Variants in DNAAF9 observed in about 807,000 individuals in gnomAD.
The protein encoded by DNAAF9 is shulin.
Under a neutral mutation model 167.0 loss-of-function variants are expected in DNAAF9, and 90 were observed. The observed-to-expected ratio is 0.54, with a 90% CI of 0.45 to 0.64. The LOEUF is 0.64. DNAAF9 is among the 30% of genes least tolerant of loss of function. DNAAF9 has a pLI of 0.00. For missense variants in DNAAF9, 1,315 were observed against 1,442.2 expected, an observed-to-expected ratio of 0.91 and a Z score of 1.43; for synonymous variants, 491 against 508.8, an observed-to-expected ratio of 0.96 and a Z score of 0.47.
intron 27 of DNAAF9, among the ~76,000 whole-genome samples, chr20:3,285,788 G>A (rs1421393605): frequency 6.6e-6 from 1 of 151,444 alleles, no homozygotes; most frequent in Non-Finnish European, 1.5e-5. Context: ...AGACCAGTCT[G>A]GCCAACATAG....
intron 6 of DNAAF9, 25 bp from the exon 7 acceptor site, chr20:3,359,618 A>T (rs760524863): frequency 2.6e-6 from 4 of 1,522,860 alleles, no homozygotes; most frequent in Non-Finnish European, 3.6e-6. Context: ...AAAAACATTG[A>T]AATAATTAAG....
intron 30 of DNAAF9, among the ~76,000 whole-genome samples, chr20:3,266,699 G>A (rs960356505): frequency 1.3e-5 from 2 of 151,818 alleles, no homozygotes; most frequent in Admixed American, 6.6e-5. Flanking sequence ...GGATGGTCTC[G>A]ATCTCCTGAC....
chr20:3,319,203 C>T (rs1291819864), intron 16 of DNAAF9, among the ~76,000 whole-genome samples: 1 of 131,798 alleles, frequency 7.6e-6, no homozygotes, highest in Non-Finnish European at 1.5e-5. Flanking sequence ...GTTGAGGCTG[C>T]AGTGATCTAT....
At chr20:3,369,419 C>T (rs1014374498) in intron 6 of DNAAF9, among the ~76,000 whole-genome samples, 1 of 151,764 alleles carries the variant, frequency 6.6e-6, no homozygotes, top group Non-Finnish European at 1.5e-5. Flanking sequence ...CTCTTTCGCC[C>T]AGGCTGGAGT....
chr20:3,252,577 G>T lies in DNAAF9; in HGVS notation c.3529C>A (p.Pro1177Thr), dbSNP rs369591889. 13 of 1,558,868 alleles carry T rather than the reference G, an allele frequency of 8.3e-6. No individual in the cohort carries two copies. The African/African-American group carries it at 1.6e-4, about 19-fold the overall frequency. Residue 1177 changes from proline to threonine, a missense_variant, in exon 37 of 37, where the codon CCC becomes ACC. Pro to Thr is a conservative substitution (Grantham distance 38, BLOSUM62 -1). Coordinates refer to ENST00000252032, the MANE Select transcript of DNAAF9 (RefSeq NM_001009984.3). ...QEYHDLFELKP is the reference protein window; with the variant it reads ...QEYHDLFELKT ...CGTACGGGCCCAGCCTTCCTCTAGG[G>T]CTTCAGCTCAAAGAGGTCATGATAC...
intron 30 of DNAAF9, among the ~76,000 whole-genome samples, chr20:3,265,940 A>G (rs1421663008): frequency 1.3e-5 from 2 of 152,072 alleles, no homozygotes; most frequent in Non-Finnish European, 2.9e-5. Context: ...TCAGCCTCCT[A>G]AAGCGTTGGG....
chr20:3,392,546 C>T (rs1237879042), intron 1 of DNAAF9, among the ~76,000 whole-genome samples: 1 of 152,210 alleles, frequency 6.6e-6, no homozygotes, highest in Admixed American at 6.5e-5. Context: ...TTCTGCTGAA[C>T]CCCACTGTTT....
intron 5 of DNAAF9, 105 bp from the exon 6 acceptor site, chr20:3,374,259 C>A: frequency 1.6e-6 from 1 of 606,096 alleles, no homozygotes; most frequent in East Asian, 2.8e-5. Context: ...ACGTGGTCAC[C>A]AGGGCCTCAC....
intron 1 of DNAAF9, among the ~76,000 whole-genome samples, chr20:3,398,439 T>C (rs558668976): frequency 1.3e-5 from 2 of 152,188 alleles, no homozygotes; most frequent in East Asian, 3.9e-4. Context: ...GCATTCTTAA[T>C]ATAAAATCAA....
In DNAAF9 at chr20:3,260,006, CA is replaced by C; in HGVS notation, c.2895del (p.Gly966AspfsTer6). ...YPGWYEGKLN[A>X]GSVYPLMVQI... ...TGAACCATTAGGGGATAGACTGATC[CA>C]GCATTCAATTTACCTTCATACCTTA... On this transcript the variant is annotated frameshift_variant, in exon 32 of 37. Transcript: ENST00000252032. LOFTEE classifies it high-confidence loss of function. 1 of 1,610,418 alleles carries C rather than the reference CA, an allele frequency of 6.2e-7. No individual in the cohort carries two copies. Among genetic ancestry groups the C allele is most frequent in the Non-Finnish European group, 8.5e-7 (1 of 1,176,578 alleles).
chr20:3,302,254 T>A (rs999365256), intron 21 of DNAAF9, among the ~76,000 whole-genome samples: 19 of 152,326 alleles, frequency 1.2e-4, no homozygotes, highest in African/African-American at 4.6e-4. Flanking sequence ...AAAATTTTTT[T>A]ATTTTTAATT....
At chr20:3,269,711 T>C (rs2068557164) in intron 30 of DNAAF9, among the ~76,000 whole-genome samples, 1 of 152,044 alleles carries the variant, frequency 6.6e-6, no homozygotes, top group Non-Finnish European at 1.5e-5. Flanking sequence ...TCCCAGCACT[T>C]TGGGAGGCCG....
At chr20:3,260,557 C>T (rs1270852358) in intron 31 of DNAAF9, among the ~76,000 whole-genome samples, 2 of 152,058 alleles carry the variant, frequency 1.3e-5, no homozygotes, top group Admixed American at 6.6e-5. Flanking sequence ...CCTCTGAAGC[C>T]TCCCAGTCCC....
chr20:3,341,994 G>T (rs1306350808), intron 9 of DNAAF9, among the ~76,000 whole-genome samples: 2 of 152,066 alleles, frequency 1.3e-5, no homozygotes, highest in Non-Finnish European at 2.9e-5. Flanking sequence ...AGCCAGGATG[G>T]TCTTGATCTC....
At chr20:3,396,545 T>C (rs1187422454) in intron 1 of DNAAF9, among the ~76,000 whole-genome samples, 3 of 152,126 alleles carry the variant, frequency 2.0e-5, no homozygotes, top group Non-Finnish European at 4.4e-5. Flanking sequence ...ACACTTGTCA[T>C]ATGGTGGTAA....
intron 20 of DNAAF9, among the ~76,000 whole-genome samples, chr20:3,305,267 G>C (rs2069270228): frequency 6.6e-6 from 1 of 152,154 alleles, no homozygotes; most frequent in Admixed American, 6.5e-5. Flanking sequence ...ATTAATGCTG[G>C]GCCTGGGCTT....
chr20:3,322,778 C>A (rs2069639885), intron 14 of DNAAF9, 82 bp from the exon 15 acceptor site: 2 of 961,146 alleles, frequency 2.1e-6, no homozygotes, highest in East Asian at 4.8e-5. Context: ...GCTTGGGATT[C>A]TCAAGGCCAC....
intron 29 of DNAAF9, among the ~76,000 whole-genome samples, chr20:3,277,069 A>G (rs1168485481): frequency 6.6e-6 from 1 of 152,142 alleles, no homozygotes; most frequent in East Asian, 1.9e-4. Flanking sequence ...AATTCTTGGA[A>G]GTATTCTCTA....
intron 1 of DNAAF9, among the ~76,000 whole-genome samples, chr20:3,406,041 C>G (rs1425147326): frequency 1.3e-5 from 2 of 152,170 alleles, no homozygotes; most frequent in African/African-American, 4.8e-5. Context: ...AAAAATGTCA[C>G]CTGACAGATT....
Sources: allele counts gnomAD v4.1 joint callset (sites outside exome capture counted in the v4.1 genomes callset), GRCh38; gene constraint gnomAD v4.1.1; transcripts MANE v1.5; gene names NCBI Gene and HGNC (gene_info 2026-07-23, HGNC 2026-07-21).